The following FHOD3 variants were observed in gnomAD, a reference collection of about 807,000 sequenced individuals.
The protein encoded by FHOD3 is formin homology 2 domain containing 3.
A neutral mutation model predicts 173.0 loss-of-function variants in FHOD3; 90 were observed. The ratio of observed to expected loss-of-function variants is 0.52; its 90% confidence interval spans 0.44 to 0.62. FHOD3 has a LOEUF of 0.62. FHOD3 is among the 20% of genes least tolerant of loss of function. The pLI is 0.00. For synonymous variants in FHOD3, 828 were observed against 823.0 expected (o/e 1.01, Z -0.10); for missense variants, 1,945 against 2,034.7 (o/e 0.96, Z 0.85).
At chr18:36,596,014 T>C (rs142773149) in intron 7 of FHOD3, among the ~76,000 whole-genome samples, 100 of 152,356 alleles carry the variant, frequency 6.6e-4, no homozygotes, top group African/African-American at 2.4e-3. Flanking sequence ...GTTAACCTGT[T>C]GGTATATTTC....
At chr18:36,651,711 G>A (rs891164129) in intron 11 of FHOD3, among the ~76,000 whole-genome samples, 1 of 151,766 alleles carries the variant, frequency 6.6e-6, no homozygotes, top group African/African-American at 2.4e-5. Context: ...AAGATCACTG[G>A]GGGCAACAAG....
In FHOD3 at chr18:36,760,651, C is replaced by T. The variant is rs148788615; in HGVS notation, c.4493C>T (p.Pro1498Leu). ...SGSSPAPPSQPQGLSYAEDAA... is the reference protein window; with the variant it reads ...SGSSPAPPSQLQGLSYAEDAA... ...AGTTCTCCGGCGCCCCCAAGCCAGC[C>T]GCAGGGTCTGAGCTATGCGGAGGAC... is the stretch of plus-strand genomic sequence containing the variant. Residue 1498 changes from proline to leucine, a missense_variant, in exon 27 of 29, where the codon CCG (proline) becomes CTG (leucine). Coordinates refer to ENST00000590592, the MANE Select transcript of FHOD3 (RefSeq NM_001281740.3). The T allele has an allele frequency of 5.6e-6, 9 of 1,598,750 alleles. No homozygotes were observed. Among genetic ancestry groups the T allele is most frequent in the Non-Finnish European group, 7.7e-6 (9 of 1,171,746 alleles).
At chr18:36,710,423 A>G (rs564692853) in intron 18 of FHOD3, 74 of 152,374 alleles carry the variant, frequency 4.9e-4, no homozygotes, top group African/African-American at 1.7e-3. Flanking sequence ...GCCATGACCC[A>G]TGAATGGCTT....
chr18:36,632,920 C>T (rs1037971587), intron 10 of FHOD3, among the ~76,000 whole-genome samples: 1 of 152,176 alleles, frequency 6.6e-6, no homozygotes, highest in Non-Finnish European at 1.5e-5. Flanking sequence ...AAGTAAAATA[C>T]ACTTGGAAGA....
chr18:36,439,567 G>GTGTA (rs1486755510), intron 3 of FHOD3, among the ~76,000 whole-genome samples: 32 of 146,030 alleles, frequency 2.2e-4, no homozygotes, highest in African/African-American at 5.7e-4. Flanking sequence ...GTGTGTGTGT[G>GTGTA]TATGTATGTA....
At chr18:36,425,891 ATTTC>A (rs1257181291) in intron 3 of FHOD3, among the ~76,000 whole-genome samples, 2 of 148,676 alleles carry the variant, frequency 1.3e-5, no homozygotes, top group Admixed American at 6.7e-5. Flanking sequence ...TTCACACACT[ATTTC>A]TTTCTTTCTT....
At position 36,717,966 on chromosome 18, in the gene FHOD3, G is replaced by A. The variant is rs753435264; in HGVS notation, c.2668G>A (p.Gly890Arg). 6.2e-7 allele frequency: 1 copy of A among 1,613,988 alleles called. No homozygotes were observed. Among genetic ancestry groups the A allele is most frequent in the Non-Finnish European group, 8.5e-7 (1 of 1,179,948 alleles). ...TCCGGATGATGAGGAGAAGGGGGAT[G>A]GGGAGGCTGGGAGGACCCAGCAGGA... The part of the protein sequence containing the change: ...KSPDDEEKGD[G>R]EAGRTQQEAE... The change falls in exon 19 of 29, where the codon GGG (glycine) becomes AGG (arginine). Residue 890 changes from glycine (G) to arginine (R), a missense_variant. Physicochemically the swap from Gly to Arg is moderately radical, Grantham distance 125 (BLOSUM62 -2). Coordinates refer to ENST00000590592, the MANE Select transcript of FHOD3 (RefSeq NM_001281740.3).
At chr18:36,504,593 G>C (rs2055202036) in intron 4 of FHOD3, among the ~76,000 whole-genome samples, 1 of 151,578 alleles carries the variant, frequency 6.6e-6, no homozygotes. Context: ...GGACTGTTGT[G>C]GGGTGGGGGC....
intron 6 of FHOD3, among the ~76,000 whole-genome samples, chr18:36,582,614 G>T (rs2058893024): frequency 6.6e-6 from 1 of 152,210 alleles, no homozygotes; most frequent in Admixed American, 6.5e-5. Flanking sequence ...TTTACAGGCA[G>T]TTACCATGTG....
chr18:36,479,851 A>T (rs1437860287), intron 3 of FHOD3, among the ~76,000 whole-genome samples: 1 of 152,106 alleles, frequency 6.6e-6, no homozygotes, highest in African/African-American at 2.4e-5. Context: ...ATGCCCTGCC[A>T]CGCATTTTCC....
chr18:36,413,244 A>C (rs713208), intron 3 of FHOD3, among the ~76,000 whole-genome samples: 66,659 of 151,950 alleles, frequency 0.44, 15,049 homozygotes, highest in East Asian at 0.68. Context: ...CGATGTCACA[A>C]CTCCTCAGGG....
chr18:36,484,585 A>T (rs1310249576), intron 3 of FHOD3, among the ~76,000 whole-genome samples: 1 of 152,252 alleles, frequency 6.6e-6, no homozygotes, highest in Non-Finnish European at 1.5e-5. Context: ...AGGAAAAAAC[A>T]AAACTCTGCT....
intron 2 of FHOD3, among the ~76,000 whole-genome samples, chr18:36,361,157 C>T (rs2046592102): frequency 6.6e-6 from 1 of 152,036 alleles, no homozygotes; most frequent in African/African-American, 2.4e-5. Flanking sequence ...GTTCAAGCTC[C>T]TGTCTTCATA....
intron 11 of FHOD3, among the ~76,000 whole-genome samples, chr18:36,651,440 A>G (rs1270849799): frequency 1.3e-5 from 2 of 152,104 alleles, no homozygotes; most frequent in Non-Finnish European, 2.9e-5. Context: ...GTTTTATAAT[A>G]TTTAATGGAC....
chr18:36,600,035 C>T (rs565748721), intron 7 of FHOD3, among the ~76,000 whole-genome samples: 9 of 152,072 alleles, frequency 5.9e-5, no homozygotes, highest in South Asian at 2.1e-4. Flanking sequence ...TAATGTACTC[C>T]AGCAGCGCTA....
chr18:36,494,904 A>C (rs1328126154), intron 3 of FHOD3, among the ~76,000 whole-genome samples: 2 of 152,208 alleles, frequency 1.3e-5, no homozygotes, highest in African/African-American at 4.8e-5. Context: ...AAGAGGATCC[A>C]GCAGGCATTT....
At chr18:36,640,780 A>G (rs1188704707) in intron 10 of FHOD3, among the ~76,000 whole-genome samples, 7 of 152,092 alleles carry the variant, frequency 4.6e-5, no homozygotes, top group Admixed American at 3.9e-4. Flanking sequence ...GCCTTGTCCA[A>G]TACGAGGCAT....
At chr18:36,620,157 C>T (rs1364119724) in intron 9 of FHOD3, among the ~76,000 whole-genome samples, 1 of 152,180 alleles carries the variant, frequency 6.6e-6, no homozygotes, top group African/African-American at 2.4e-5. Flanking sequence ...GGTACAAGGG[C>T]CCTCCATACT....
chr18:36,379,837 A>G (rs2047645580), intron 3 of FHOD3, among the ~76,000 whole-genome samples: 1 of 152,210 alleles, frequency 6.6e-6, no homozygotes, highest in Admixed American at 6.5e-5. Flanking sequence ...TGAAGAGACA[A>G]CTTTATTTTT....
Sources: gnomAD v4.1 joint callset for allele counts (sites outside exome capture counted in the v4.1 genomes callset) on GRCh38, gnomAD v4.1.1 for gene constraint, MANE v1.5 for transcripts, NCBI Gene and HGNC (gene_info 2026-07-23, HGNC 2026-07-21) for gene names.